TMTC2: variants seen among roughly 807,000 people sequenced by gnomAD.
TMTC2 encodes the protein transmembrane O-mannosyltransferase targeting cadherins 2.
A neutral mutation model predicts 82.4 loss-of-function variants in TMTC2; 43 were observed. The ratio of observed to expected loss-of-function variants is 0.52; its 90% confidence interval spans 0.41 to 0.67. TMTC2 has a LOEUF of 0.67. Ranked by LOEUF, TMTC2 falls within the 30% of genes least tolerant of loss-of-function variation. The pLI is 0.00. For missense variants in TMTC2, 919 were observed against 1,012.4 expected (o/e 0.91, Z 1.25); for synonymous variants, 408 against 381.9 (o/e 1.07, Z -0.80).
At chr12:82,911,199 C>A (rs1285683157) in intron 3 of TMTC2, among the ~76,000 whole-genome samples, 1 of 151,914 alleles carries the variant, frequency 6.6e-6, no homozygotes, top group Non-Finnish European at 1.5e-5. Flanking sequence ...TTTTTACAGC[C>A]CCAGGGTTTG....
chr12:83,010,500 A>G (rs1418063880), intron 8 of TMTC2, among the ~76,000 whole-genome samples: 1 of 152,034 alleles, frequency 6.6e-6, no homozygotes, highest in Non-Finnish European at 1.5e-5. Flanking sequence ...ATGTATTTAC[A>G]TTTCTTCCCT....
At chr12:83,101,209 A>G (rs1884204500) in intron 11 of TMTC2, among the ~76,000 whole-genome samples, 2 of 152,180 alleles carry the variant, frequency 1.3e-5, no homozygotes, top group Admixed American at 6.5e-5. Context: ...TTTGTTTTTC[A>G]ATATCTAAGC....
intron 1 of TMTC2, among the ~76,000 whole-genome samples, chr12:82,843,113 ATTTC>A (rs1293581995): frequency 2.1e-4 from 30 of 140,128 alleles, no homozygotes; most frequent in African/African-American, 8.9e-4. Flanking sequence ...AGGACTCTTA[ATTTC>A]TTTCTTTCTT....
chr12:82,695,987 G>T (rs1872771099), intron 1 of TMTC2, among the ~76,000 whole-genome samples: 1 of 152,168 alleles, frequency 6.6e-6, no homozygotes, highest in African/African-American at 2.4e-5. Context: ...ATGTCTCAAG[G>T]TAAAATAGTT....
intron 2 of TMTC2, among the ~76,000 whole-genome samples, chr12:82,876,045 G>GATGA (rs1872492332): frequency 7.9e-6 from 1 of 126,948 alleles, no homozygotes; most frequent in Admixed American, 7.9e-5. Context: ...GGTGGTGGTG[G>GATGA]TGGTGGTGGT....
At chr12:82,942,193 A>G (rs753714584) in intron 4 of TMTC2, among the ~76,000 whole-genome samples, 29 of 152,264 alleles carry the variant, frequency 1.9e-4, no homozygotes, top group Non-Finnish European at 3.7e-4. Flanking sequence ...AATATAATGA[A>G]TATGTTACTT....
In TMTC2 at chr12:83,124,767, T is replaced by C. The variant is rs529010425; in HGVS notation, c.2332-7443T>C. ...GGGCTTCTTAGTACTGGCTGAAGAATTTGGATCCTTTTCTATAGTCATAAA... is the reference window on the plus strand; with the variant it reads ...GGGCTTCTTAGTACTGGCTGAAGAACTTGGATCCTTTTCTATAGTCATAAA... On this transcript the variant is annotated intron_variant, in intron 11 of 11. Transcript: ENST00000321196. Among the ~76,000 whole-genome samples the C allele has an allele frequency of 8.5e-4, 130 of 152,154 alleles. 1 individual carries two copies. The highest frequency in any genetic ancestry group is 3.0e-3 in the African/African-American group (124 of 41,522).
intron 11 of TMTC2, among the ~76,000 whole-genome samples, chr12:83,081,066 T>A (rs1202177432): frequency 2.6e-5 from 4 of 152,200 alleles, no homozygotes; most frequent in Non-Finnish European, 4.4e-5. Flanking sequence ...TGACCAAAAG[T>A]CTTAGCCTTT....
intron 1 of TMTC2, among the ~76,000 whole-genome samples, chr12:82,801,804 G>A (rs12819934): frequency 2.0e-5 from 3 of 151,950 alleles, no homozygotes; most frequent in Non-Finnish European, 2.9e-5. Flanking sequence ...AGCTAGATAC[G>A]GAGTGTCGAT....
intron 11 of TMTC2, among the ~76,000 whole-genome samples, chr12:83,121,150 G>A (rs1884934614): frequency 6.6e-6 from 1 of 152,118 alleles, no homozygotes. Context: ...TTCTTTTGCA[G>A]GTAAATCAGG....
chr12:82,914,205 A>C (rs891871734), intron 3 of TMTC2, among the ~76,000 whole-genome samples: 3 of 152,218 alleles, frequency 2.0e-5, no homozygotes, highest in Non-Finnish European at 4.4e-5. Context: ...AAGATAATTG[A>C]TATTTTATTT....
intron 11 of TMTC2, among the ~76,000 whole-genome samples, chr12:83,120,857 C>A (rs2137560229): frequency 6.6e-6 from 1 of 152,264 alleles, no homozygotes; most frequent in African/African-American, 2.4e-5. Context: ...TTTTCTTACT[C>A]TTTTTTCTTT....
At chr12:82,920,184 C>T (rs1875301266) in intron 3 of TMTC2, among the ~76,000 whole-genome samples, 1 of 152,024 alleles carries the variant, frequency 6.6e-6, no homozygotes, top group South Asian at 2.1e-4. Context: ...ATAATTTCTT[C>T]AAATTACTAA....
chr12:82,957,107 C>T (rs1442087465), intron 4 of TMTC2, among the ~76,000 whole-genome samples: 3 of 152,108 alleles, frequency 2.0e-5, no homozygotes, highest in East Asian at 3.9e-4. Flanking sequence ...TGGAACATCA[C>T]CCAAGATCGA....
chr12:83,091,103 T>C (rs944713830), intron 11 of TMTC2, among the ~76,000 whole-genome samples: 1 of 152,202 alleles, frequency 6.6e-6, no homozygotes, highest in Non-Finnish European at 1.5e-5. Flanking sequence ...CATCATACTT[T>C]GCCCTCACTT....
chr12:82,900,831 A>AAT (rs1171636694), intron 3 of TMTC2, among the ~76,000 whole-genome samples: 16 of 130,710 alleles, frequency 1.2e-4, no homozygotes, highest in African/African-American at 3.9e-4. Context: ...ATATACCTGG[A>AAT]ATATATATAT....
At chr12:82,917,371 A>G (rs1007314296) in intron 3 of TMTC2, among the ~76,000 whole-genome samples, 5 of 152,058 alleles carry the variant, frequency 3.3e-5, no homozygotes, top group Non-Finnish European at 7.4e-5. Flanking sequence ...TTCATGGGGC[A>G]CATCCAAAGT....
intron 7 of TMTC2, among the ~76,000 whole-genome samples, chr12:82,967,435 T>A (rs1477652672): frequency 1.3e-5 from 2 of 152,144 alleles, no homozygotes; most frequent in African/African-American, 4.8e-5. Context: ...ATGCAGACAA[T>A]AGATATGCTA....
At chr12:83,093,634 T>C (rs1420889489) in intron 11 of TMTC2, among the ~76,000 whole-genome samples, 1 of 152,204 alleles carries the variant, frequency 6.6e-6, no homozygotes, top group Non-Finnish European at 1.5e-5. Context: ...GAAGCTTTCC[T>C]TGTGGGCTCT....
Sources: allele counts gnomAD v4.1 joint callset (sites outside exome capture counted in the v4.1 genomes callset), GRCh38; gene constraint gnomAD v4.1.1; transcripts MANE v1.5; gene names NCBI Gene and HGNC (gene_info 2026-07-23, HGNC 2026-07-21).